Variants in MINDY4 observed in about 807,000 individuals in gnomAD.
The protein encoded by MINDY4 is MINDY lysine 48 deubiquitinase 4.
A neutral mutation model predicts 87.0 loss-of-function variants in MINDY4; 68 were observed. The observed-to-expected ratio is 0.78, with a 90% CI of 0.64 to 0.96. The LOEUF is 0.96. Ranked by LOEUF, MINDY4 falls within the 40% of genes least tolerant of loss-of-function variation. The pLI is 0.00. For missense variants in MINDY4, 919 were observed against 928.2 expected (o/e 0.99, Z 0.13); for synonymous variants, 379 against 363.2 (o/e 1.04, Z -0.50).
At chr7:30,845,675 C>T (rs997827777) in intron 9 of MINDY4, among the ~76,000 whole-genome samples, 1 of 152,154 alleles carries the variant, frequency 6.6e-6, no homozygotes, top group African/African-American at 2.4e-5. Flanking sequence ...CGGGGTCTGC[C>T]TTGGCCCTGG....
intron 4 of MINDY4, among the ~76,000 whole-genome samples, chr7:30,787,207 A>G (rs547487972): frequency 3.1e-4 from 47 of 152,324 alleles, no homozygotes; most frequent in Non-Finnish European, 5.6e-4. Flanking sequence ...CAGTGCTGTC[A>G]AGATCATGCA....
chr7:30,808,323 C>G (rs112580881), intron 5 of MINDY4, among the ~76,000 whole-genome samples: 1 of 152,076 alleles, frequency 6.6e-6, no homozygotes, highest in Non-Finnish European at 1.5e-5. Context: ...ATACCTATAC[C>G]GGCACTTTGG....
intron 13 of MINDY4, among the ~76,000 whole-genome samples, chr7:30,860,718 G>A (rs1366375591): frequency 1.3e-5 from 2 of 152,106 alleles, no homozygotes; most frequent in Non-Finnish European, 1.5e-5. Flanking sequence ...TTACATGCAT[G>A]CTCCTGCATG....
intron 1 of MINDY4, among the ~76,000 whole-genome samples, chr7:30,774,464 A>G (rs1786747264): frequency 6.6e-6 from 1 of 152,154 alleles, no homozygotes; most frequent in African/African-American, 2.4e-5. Flanking sequence ...GTGCTCCTGC[A>G]GAATCCCATC....
At chr7:30,799,733 C>A (rs1166929785) in intron 5 of MINDY4, among the ~76,000 whole-genome samples, 1 of 152,170 alleles carries the variant, frequency 6.6e-6, no homozygotes, top group Non-Finnish European at 1.5e-5. Context: ...TGATGTCATG[C>A]GTGTCAAGCT....
intron 5 of MINDY4, among the ~76,000 whole-genome samples, chr7:30,825,598 A>G (rs1335929238): frequency 6.6e-6 from 1 of 152,226 alleles, no homozygotes; most frequent in East Asian, 1.9e-4. Flanking sequence ...GAGCATTTGA[A>G]GCCAGCAGCC....
chr7:30,854,443 AT>A (rs1789512874), intron 12 of MINDY4, among the ~76,000 whole-genome samples: 2 of 152,114 alleles, frequency 1.3e-5, no homozygotes, highest in Admixed American at 1.3e-4. Flanking sequence ...AGAGGGAAGC[AT>A]TACAGAAGGC....
At chr7:30,778,644 G>A in intron 2 of MINDY4, 93 bp downstream of exon 2, 4 of 1,443,474 alleles carry the variant, frequency 2.8e-6, no homozygotes, top group Non-Finnish European at 2.9e-6. Context: ...GGAGAGGCTT[G>A]AGGTTCTCCT....
At chr7:30,829,291 T>TC (rs1491315893) in intron 6 of MINDY4, among the ~76,000 whole-genome samples, 16 of 107,384 alleles carry the variant, frequency 1.5e-4, no homozygotes, top group African/African-American at 7.3e-4. Context: ...AAACTTTTTT[T>TC]CTCTCTCTTT....
intron 5 of MINDY4, chr7:30,803,053 A>G (rs979899691): frequency 1.3e-5 from 2 of 152,250 alleles, no homozygotes; most frequent in Admixed American, 6.5e-5. Flanking sequence ...CACCCAATCA[A>G]ACCAGCCAAC....
At chr7:30,800,434 G>A (rs1787611929) in intron 5 of MINDY4, among the ~76,000 whole-genome samples, 1 of 152,172 alleles carries the variant, frequency 6.6e-6, no homozygotes, top group South Asian at 2.1e-4. Context: ...TTTGTGGCTG[G>A]GTCACGTCCT....
chr7:30,812,000 A>G (rs1788013930), intron 5 of MINDY4, among the ~76,000 whole-genome samples: 1 of 152,196 alleles, frequency 6.6e-6, no homozygotes, highest in Non-Finnish European at 1.5e-5. Flanking sequence ...AATGTTTAAT[A>G]AAGACATTAC....
In MINDY4 at chr7:30,785,848, T is replaced by C; in HGVS notation, c.519T>C (p.Pro173=). 1 of 1,614,254 alleles carries C rather than the reference T, an allele frequency of 6.2e-7. No individual in the cohort carries two copies. The highest frequency in any genetic ancestry group is 8.5e-7 in the Non-Finnish European group (1 of 1,180,044). Residue 173 remains proline, a synonymous_variant, in exon 4 of 18, where the codon CCT becomes CCC. Coordinates refer to ENST00000265299, the MANE Select transcript of MINDY4 (RefSeq NM_032222.3). ...KPMQTVPGET[P]VLTSAWEKID... ...TGCAGACGGTCCCGGGTGAAACTCC[T>C]GTGTTGACTTCTGCATGGGAGAAGA...
chr7:30,875,590 C>T lies in MINDY4; in HGVS notation c.1905C>T (p.Leu635=). 2.5e-6 allele frequency: 4 copies of T among 1,614,222 alleles called. No individual in the cohort carries two copies. The highest frequency in any genetic ancestry group is 3.4e-6 in the Non-Finnish European group (4 of 1,180,048). Residue 635 remains leucine, a synonymous_variant, in exon 15 of 18, where the codon CTC becomes CTT. Transcript: ENST00000265299. Reference sequence around the variant, plus strand: ...CTGGGGATGGGAACATCACACTTCTCAGAGGCATTGCTGCACGCAGTGATA... The same window carrying T: ...CTGGGGATGGGAACATCACACTTCTTAGAGGCATTGCTGCACGCAGTGATA... ...LDSGDGNITL[L]RGIAARSDIG... is the part of the protein sequence containing the mutation.
Position 30,790,023 on chromosome 7 carries a change from G to T in MINDY4, c.664-1142G>T, listed in dbSNP as rs1787273526. The stretch of plus-strand genomic sequence containing the variant: ...TAAGAATGACCTCTGCCATCAGGAG[G>T]GGGTTGAGACCATATGTAAGTGGGC... On this transcript the variant is annotated intron_variant, in intron 4 of 17. Coordinates refer to ENST00000265299, the MANE Select transcript of MINDY4 (RefSeq NM_032222.3). Among the ~76,000 whole-genome samples, 4 of 152,202 alleles carry T rather than the reference G, an allele frequency of 2.6e-5. No individual in the cohort carries two copies. In the East Asian group the frequency reaches 7.7e-4, roughly 29 times the overall value.
At chr7:30,853,589 A>G in intron 12 of MINDY4, 130 bp downstream of exon 12, 1 of 813,404 alleles carries the variant, frequency 1.2e-6, no homozygotes. Context: ...GCTGGGAAGG[A>G]GTAATGCTGG....
At position 30,882,289 on chromosome 7, in the gene MINDY4, A is replaced by G; in HGVS notation, c.2080A>G (p.Thr694Ala). 2.5e-6 allele frequency: 4 copies of G among 1,613,892 alleles called. No homozygotes were observed. The highest frequency in any genetic ancestry group is 3.3e-4 in the Middle Eastern group (2 of 6,056). Residue 694 changes from threonine to alanine, a missense_variant, in exon 16 of 18, where the codon ACT (threonine) becomes GCT (alanine). Coordinates refer to ENST00000265299, the MANE Select transcript of MINDY4 (RefSeq NM_032222.3). ...GCCGGGGCTCCTGCGTGACTGGAGG[A>G]CTGAGAGGCTCTTTGACTTGTACTA... ...LQPGLLRDWR[T>A]ERLFDLYYYD...
At chr7:30,864,565 G>T (rs1363687654) in intron 13 of MINDY4, among the ~76,000 whole-genome samples, 1 of 152,260 alleles carries the variant, frequency 6.6e-6, no homozygotes, top group Non-Finnish European at 1.5e-5. Flanking sequence ...AGGTCCTTCT[G>T]CACGGTGGGC....
intron 6 of MINDY4, among the ~76,000 whole-genome samples, chr7:30,831,796 C>T (rs60679893): frequency 0.1 from 15,388 of 152,160 alleles, 1,187 homozygotes; most frequent in African/African-American, 0.21. Flanking sequence ...ATCTTTGACT[C>T]CCTATGGAAA....
Sources: allele counts gnomAD v4.1 joint callset (sites outside exome capture counted in the v4.1 genomes callset), GRCh38; gene constraint gnomAD v4.1.1; transcripts MANE v1.5; gene names NCBI Gene and HGNC (gene_info 2026-07-23, HGNC 2026-07-21).